THOC2: variants seen among roughly 807,000 people sequenced by gnomAD.
The protein encoded by THOC2 is THO complex subunit 2, also known as THO complex 2.
THOC2 carries 10 observed loss-of-function variants against 128.4 expected under a neutral mutation model. The ratio of observed to expected loss-of-function variants is 0.08; its 90% CI spans 0.05 to 0.13. The LOEUF (loss-of-function observed/expected upper bound fraction) is 0.13. Ranked by LOEUF, THOC2 falls within the 10% of genes least tolerant of loss-of-function variation. The probability of loss-of-function intolerance (pLI) is 1.00; values close to 1 mark genes in which losing one functional copy is unlikely to be tolerated. For synonymous variants in THOC2, 393 were observed against 396.9 expected (o/e 0.99, Z 0.12); for missense variants, 535 against 1,155.7 (o/e 0.46, Z 7.79).
intron 8 of THOC2, among the ~76,000 whole-genome samples, chrX:123,683,726 G>A (rs6649060): frequency 0.27 from 29,643 of 108,353 alleles, 3,169 homozygotes; most frequent in East Asian, 0.67. Flanking sequence ...TCAGCCTCCC[G>A]AGTAGCTGGG....
chrX:123,637,778 AAAG>A (rs766946646), intron 18 of THOC2, among the ~76,000 whole-genome samples: 5 of 111,178 alleles, frequency 4.5e-5, no homozygotes, highest in Admixed American at 9.6e-5. Context: ...AATAAAATAA[AAAG>A]AAGGAGATTT....
Position 123,621,448 on chromosome X carries a change from T to C in THOC2, c.3925A>G (p.Asn1309Asp). The C allele has an allele frequency of 1.7e-6, 2 of 1,210,643 alleles. No homozygotes were observed. ...GKEKPKEERP[N>D]KDEKARETKE... Reference sequence around the variant, plus strand: ...GTCTCTCTTGCTTTTTCATCTTTATTTGGCCGCTCTTCCTTTGGTTTTTCT... The same window carrying C: ...GTCTCTCTTGCTTTTTCATCTTTATCTGGCCGCTCTTCCTTTGGTTTTTCT... Residue 1309 changes from asparagine to aspartate, a missense_variant, in exon 31 of 39, where the codon AAT (asparagine) becomes GAT (aspartate). Asn to Asp is a conservative substitution (Grantham distance 23). Around this residue, in one of 9 missense-constraint regions of THOC2, gnomAD observed 116 missense variants for 180.0 expected, o/e 0.64. Transcript: ENST00000245838.
chrX:123,607,088 G>C (rs1242381131), intron 38 of THOC2, among the ~76,000 whole-genome samples: 1 of 110,505 alleles, frequency 9.0e-6, no homozygotes, highest in Non-Finnish European at 1.9e-5. Flanking sequence ...AGGAAGGAAG[G>C]TTAAAGGCAA....
intron 8 of THOC2, among the ~76,000 whole-genome samples, chrX:123,672,439 T>C (rs1208327116): frequency 9.0e-6 from 1 of 111,352 alleles, no homozygotes; most frequent in Non-Finnish European, 1.9e-5. Flanking sequence ...GCCTGGCTGA[T>C]ACACATGTGT....
At chrX:123,604,572 T>C (rs1016936857) in intron 38 of THOC2, among the ~76,000 whole-genome samples, 1 of 110,951 alleles carries the variant, frequency 9.0e-6, no homozygotes, top group Admixed American at 9.5e-5. Flanking sequence ...ACAGCTAGGG[T>C]GGTGATCAAA....
At chrX:123,699,576 G>A (rs905061451) in intron 4 of THOC2, among the ~76,000 whole-genome samples, 1 of 110,838 alleles carries the variant, frequency 9.0e-6, no homozygotes, top group Admixed American at 9.7e-5. Context: ...AGGGATTGGG[G>A]CTAAACTGGG....
At chrX:123,648,610 C>A (rs1569369026) in intron 12 of THOC2, among the ~76,000 whole-genome samples, 1 of 106,769 alleles carries the variant, frequency 9.4e-6, no homozygotes, top group Non-Finnish European at 2.0e-5. Context: ...CGACCTGGGA[C>A]GCTGGAGCTC....
chrX:123,629,392 T>C (rs1202703873), intron 22 of THOC2, among the ~76,000 whole-genome samples: 1 of 110,359 alleles, frequency 9.1e-6, no homozygotes, highest in Non-Finnish European at 1.9e-5. Context: ...AACTAGTTAC[T>C]TCCTTACGTT....
At chrX:123,622,998 G>A (rs2047141057) in intron 29 of THOC2, 107 bp downstream of exon 29, 5 of 893,633 alleles carry the variant, frequency 5.6e-6, no homozygotes, top group Non-Finnish European at 7.8e-6. Context: ...CCTATCTAGG[G>A]AATAAAAAGT....
At chrX:123,628,536 T>C (rs889915522) in intron 22 of THOC2, among the ~76,000 whole-genome samples, 5 of 109,823 alleles carry the variant, frequency 4.6e-5, no homozygotes, top group Admixed American at 3.9e-4. Context: ...CTGGCCAGCA[T>C]GTCAAAACCC....
intron 1 of THOC2, among the ~76,000 whole-genome samples, chrX:123,724,261 C>T (rs1472768095): frequency 8.9e-6 from 1 of 111,780 alleles, no homozygotes; most frequent in Non-Finnish European, 1.9e-5. Flanking sequence ...CACCTCTGTG[C>T]CTTCTGATTA....
chrX:123,683,097 A>AT (rs1052761068), intron 8 of THOC2, among the ~76,000 whole-genome samples: 1 of 110,844 alleles, frequency 9.0e-6, no homozygotes, highest in South Asian at 3.8e-4. Flanking sequence ...AGATTTTGGA[A>AT]TTTTTTTTCA....
intron 22 of THOC2, 45 bp from the exon 23 acceptor site, chrX:123,628,013 A>G (rs907237016): frequency 6.9e-6 from 7 of 1,012,926 alleles, no homozygotes; most frequent in East Asian, 3.1e-5. Flanking sequence ...CACACACAAC[A>G]TAATTTATAG....
chrX:123,717,595 A>G (rs914768038), intron 1 of THOC2, among the ~76,000 whole-genome samples: 2 of 109,245 alleles, frequency 1.8e-5, no homozygotes, highest in Non-Finnish European at 3.8e-5. Flanking sequence ...TTAAATGTCC[A>G]TGCTACCCGA....
chrX:123,729,029 C>T (rs187386455), intron 1 of THOC2, among the ~76,000 whole-genome samples: 1 of 112,173 alleles, frequency 8.9e-6, no homozygotes, highest in East Asian at 2.8e-4. Flanking sequence ...CCAGTACATG[C>T]AAGTTTATTA....
rs751460058 is a variant in THOC2, at chrX:123,697,704, T to C, written c.322A>G (p.Thr108Ala). The C allele has an allele frequency of 1.8e-6, 2 of 1,107,520 alleles. No individual in the cohort carries two copies. Among genetic ancestry groups the C allele is most frequent in the Non-Finnish European group, 2.4e-6 (2 of 818,742 alleles). 91.3% of individuals were successfully genotyped at this position (1,107,520 alleles called of 1,213,427 possible). The change falls in exon 5 of 39, where the codon ACA becomes GCA. Residue 108 changes from threonine to alanine, a missense_variant. This residue lies in a region of THOC2 where 61 missense variants were observed against 84.3 expected (regional missense o/e 0.72). Transcript: ENST00000245838. ...LEEKSKRDYFTQLVLACLYLV... is the reference protein window; with the variant it reads ...LEEKSKRDYFAQLVLACLYLV... ...ACCAAACATGCTAATACCAACTGTGTAAAATAGTCTCTCTTGCTTTTTTCT... is the reference window on the plus strand; with the variant it reads ...ACCAAACATGCTAATACCAACTGTGCAAAATAGTCTCTCTTGCTTTTTTCT...
intron 3 of THOC2, among the ~76,000 whole-genome samples, chrX:123,706,382 T>C (rs1287466510): frequency 1.8e-5 from 2 of 111,333 alleles, no homozygotes; most frequent in African/African-American, 3.2e-5. Context: ...TCTTTTTTTT[T>C]AATTATACTT....
intron 12 of THOC2, among the ~76,000 whole-genome samples, chrX:123,663,453 G>A (rs761000562): frequency 2.2e-4 from 24 of 110,059 alleles, no homozygotes; most frequent in Non-Finnish European, 4.5e-4. Flanking sequence ...TTGTGGTGGT[G>A]AACATACAAC....
intron 3 of THOC2, among the ~76,000 whole-genome samples, chrX:123,706,591 A>G (rs775538252): frequency 3.1e-5 from 3 of 96,829 alleles, no homozygotes; most frequent in African/African-American, 1.2e-4. Flanking sequence ...AGCTTACCTG[A>G]TATTTCCTAC....
Sources: allele counts gnomAD v4.1 joint callset (sites outside exome capture counted in the v4.1 genomes callset), GRCh38; gene constraint gnomAD v4.1.1; regional missense constraint gnomAD v4.1.1; transcripts MANE v1.5; gene names NCBI Gene and HGNC (gene_info 2026-07-23, HGNC 2026-07-21).